Variants in RFTN1 observed in about 807,000 individuals in gnomAD.
RFTN1 encodes raftlin, lipid raft linker 1.
A neutral mutation model predicts 46.5 loss-of-function variants in RFTN1; 26 were observed. That is an observed-to-expected ratio of 0.56 (90% CI 0.41 to 0.78). The LOEUF is 0.78. Among genes scored for constraint, RFTN1 ranks in the 30% least tolerant of loss-of-function variants. RFTN1 has a pLI of 0.00. For synonymous variants in RFTN1, 261 were observed against 284.2 expected, an observed-to-expected ratio of 0.92 and a Z score of 0.82; for missense variants, 693 against 718.7, an observed-to-expected ratio of 0.96 and a Z score of 0.41.
rs1009829579 is a variant in RFTN1, at chr3:16,329,651, GC to G, written c.1147-2776del. ...AGGCTGCTTTATCCTGAGAATCCCT[GC>G]CCCCATCCCCGTATTCCCAGTTTAA... is the stretch of plus-strand genomic sequence containing the variant. On this transcript the variant is annotated intron_variant, in intron 7 of 9. Transcript: ENST00000334133. This position sits in a 1 kb window ranked among gnomAD's most constrained non-coding sequence, Gnocchi z 4.5. Among the ~76,000 whole-genome samples the G allele has an allele frequency of 6.6e-6, 1 of 152,118 alleles. No homozygotes were observed. The highest frequency in any genetic ancestry group is 1.5e-5 in the Non-Finnish European group (1 of 68,010).
chr3:16,408,767 G>A lies in RFTN1; in HGVS notation c.441+608C>T, dbSNP rs1183377088. On this transcript the variant is annotated intron_variant, in intron 4 of 9. Transcript: ENST00000334133. Reference sequence around the variant, plus strand: ...ACCTGTATGGGGTGGGGGAATTGTCGATTACTAGGGAACACTGGGTAAGAG... The same window carrying A: ...ACCTGTATGGGGTGGGGGAATTGTCAATTACTAGGGAACACTGGGTAAGAG... Among the ~76,000 whole-genome samples, 2 of 146,910 alleles carry A rather than the reference G, an allele frequency of 1.4e-5. 1 individual carries two copies. Among genetic ancestry groups the A allele is most frequent in the Non-Finnish European group, 3.0e-5 (2 of 66,236 alleles).
intron 4 of RFTN1, among the ~76,000 whole-genome samples, chr3:16,386,416 T>C (rs1006484713): frequency 3.3e-5 from 5 of 152,190 alleles, no homozygotes; most frequent in African/African-American, 9.7e-5. Context: ...TTATTTTTCA[T>C]CCCTATCTTA....
rs942804858 is a variant in RFTN1 at position 16,484,214 on chromosome 3, C to T, written c.145+9511G>A. On this transcript the variant is annotated intron_variant, in intron 2 of 9. Transcript: ENST00000334133. This position sits in a 1 kb window ranked among gnomAD's most constrained non-coding sequence, Gnocchi z 4.6. ...TTTTTAGATTAGTCTTTTTCCCAGC[C>T]GTGAAGGGAGACTGAAAGGACAACT... 6.6e-6 allele frequency among the ~76,000 whole-genome samples: 1 copy of T among 152,044 alleles called. No individual in the cohort carries two copies. The highest frequency in any genetic ancestry group is 1.5e-5 in the Non-Finnish European group (1 of 68,024).
chr3:16,459,466 T>C lies in RFTN1; in HGVS notation c.146-25429A>G, dbSNP rs1478027575. The stretch of plus-strand genomic sequence containing the variant: ...TAAAAATGAGCCAGGAATAGCAGCG[T>C]GTGCCTTTATCCCAGCTACTTGGAG... On this transcript the variant is annotated intron_variant, in intron 2 of 9. Transcript: ENST00000334133. This position sits in a 1 kb window ranked among gnomAD's most constrained non-coding sequence, Gnocchi z 4.2. Among the ~76,000 whole-genome samples the C allele has an allele frequency of 4.6e-5, 7 of 152,308 alleles. No individual in the cohort carries two copies. Among genetic ancestry groups the C allele is most frequent in the South Asian group, 4.1e-4 (2 of 4,826 alleles).
chr3:16,417,298 C>A (rs1325638456), intron 3 of RFTN1, among the ~76,000 whole-genome samples: 1 of 152,056 alleles, frequency 6.6e-6, no homozygotes, highest in African/African-American at 2.4e-5. Context: ...CCGCACCCGG[C>A]CTCCAGAACT....
rs2074240994 is a variant in RFTN1 at position 16,387,812 on chromosome 3, T to C, written c.442-9710A>G. Among the ~76,000 whole-genome samples the C allele has an allele frequency of 6.6e-6, 1 of 152,046 alleles. No homozygotes were observed. The highest frequency in any genetic ancestry group is 1.5e-5 in the Non-Finnish European group (1 of 68,016). On this transcript the variant is annotated intron_variant, in intron 4 of 9. Transcript: ENST00000334133. This position sits in a 1 kb window ranked among gnomAD's most constrained non-coding sequence, Gnocchi z 5.2. ...CCCCACAGCCCTCCTGTCACCTCCATGACGCCAAATCCCACAGGCTTTTTA... is the reference window on the plus strand; with the variant it reads ...CCCCACAGCCCTCCTGTCACCTCCACGACGCCAAATCCCACAGGCTTTTTA...
In RFTN1 at chr3:16,413,619, A is replaced by G. The variant is rs1353940606; in HGVS notation, c.333-4136T>C. ...TTTTAAACAGTAAGAAAAAGAAAAC[A>G]CAGAATGCATTTCTGGAGACGTACA... On this transcript the variant is annotated intron_variant, in intron 3 of 9. Transcript: ENST00000334133. The surrounding 1 kb of genome is among the most constrained non-coding windows in gnomAD (Gnocchi z 4.7). 7.9e-5 allele frequency among the ~76,000 whole-genome samples: 12 copies of G among 152,206 alleles called. No individual in the cohort carries two copies. The highest frequency in any genetic ancestry group is 4.4e-5 in the Non-Finnish European group (3 of 68,038).
At chr3:16,488,751 C>T (rs886506811) in intron 2 of RFTN1, among the ~76,000 whole-genome samples, 1 of 152,226 alleles carries the variant, frequency 6.6e-6, no homozygotes, top group African/African-American at 2.4e-5. Flanking sequence ...AGCACTGCCT[C>T]TTTGGGCAAG....
chr3:16,462,510 T>G (rs1235747989), intron 2 of RFTN1, among the ~76,000 whole-genome samples: 1 of 152,192 alleles, frequency 6.6e-6, no homozygotes, highest in Non-Finnish European at 1.5e-5. Flanking sequence ...ACAGAGAGTT[T>G]TGAGGCAGAC....
chr3:16,432,386 C>T (rs1174265436), intron 3 of RFTN1, among the ~76,000 whole-genome samples: 2 of 152,222 alleles, frequency 1.3e-5, no homozygotes, highest in East Asian at 1.9e-4. Flanking sequence ...GGCATGGTGG[C>T]GTGCACCTGT....
rs528684609 is a variant in RFTN1 at position 16,452,398 on chromosome 3, A to C, written c.146-18361T>G. Among the ~76,000 whole-genome samples the C allele has an allele frequency of 6.6e-6, 1 of 152,218 alleles. No individual in the cohort carries two copies. The highest frequency in any genetic ancestry group is 2.4e-5 in the African/African-American group (1 of 41,460). On this transcript the variant is annotated intron_variant, in intron 2 of 9. Transcript: ENST00000334133. This position sits in a 1 kb window ranked among gnomAD's most constrained non-coding sequence, Gnocchi z 6.3. ...TTGTAAACATCTAAAGTCTCCCTCC[A>C]TCTTCACAATGTTGATTGAAATGCT... is the stretch of plus-strand genomic sequence containing the variant.
At chr3:16,404,321 A>AAT (rs2074783834) in intron 4 of RFTN1, among the ~76,000 whole-genome samples, 1 of 22,568 alleles carries the variant, frequency 4.4e-5, no homozygotes, top group Non-Finnish European at 7.8e-5. Flanking sequence ...TATTATATAT[A>AAT]ATATATAATA....
chr3:16,446,299 A>G lies in RFTN1; in HGVS notation c.146-12262T>C, dbSNP rs2075728077. Among the ~76,000 whole-genome samples the G allele has an allele frequency of 6.6e-6, 1 of 152,094 alleles. No individual in the cohort carries two copies. Among genetic ancestry groups the G allele is most frequent in the African/African-American group, 2.4e-5 (1 of 41,406 alleles). On this transcript the variant is annotated intron_variant, in intron 2 of 9. Coordinates refer to ENST00000334133, the MANE Select transcript of RFTN1 (RefSeq NM_015150.2). The surrounding 1 kb of genome is among the most constrained non-coding windows in gnomAD (Gnocchi z 4.5). ...AGGAAACCTAGAAACCTTTAAAAAAAAAAAAACTGTGGTAAAATATGCCTA... is the reference window on the plus strand; with the variant it reads ...AGGAAACCTAGAAACCTTTAAAAAAGAAAAAACTGTGGTAAAATATGCCTA...
At chr3:16,461,602 A>G (rs561504283) in intron 2 of RFTN1, among the ~76,000 whole-genome samples, 1 of 152,234 alleles carries the variant, frequency 6.6e-6, no homozygotes, top group Non-Finnish European at 1.5e-5. Context: ...AGCCAATTAT[A>G]CAATTACACG....
rs999215107 is a variant in RFTN1 at position 16,459,215 on chromosome 3, G to A, written c.146-25178C>T. On this transcript the variant is annotated intron_variant, in intron 2 of 9. Transcript: ENST00000334133. The surrounding 1 kb of genome is among the most constrained non-coding windows in gnomAD (Gnocchi z 4.2). ...CAAAGTGCTGGAATTACAGGTATGA[G>A]CCACTGTGCCTGGCCACTACTGTGT... is the stretch of plus-strand genomic sequence containing the variant. 7.2e-5 allele frequency among the ~76,000 whole-genome samples: 11 copies of A among 152,162 alleles called. No homozygotes were observed. Among genetic ancestry groups the A allele is most frequent in the African/African-American group, 2.7e-4 (11 of 41,410 alleles).
At chr3:16,347,214 CCA>C (rs1346540402) in intron 7 of RFTN1, among the ~76,000 whole-genome samples, 1 of 152,208 alleles carries the variant, frequency 6.6e-6, no homozygotes, top group Non-Finnish European at 1.5e-5. Flanking sequence ...ACGGTCTTCC[CCA>C]GACTTTTCAC....
intron 5 of RFTN1, among the ~76,000 whole-genome samples, chr3:16,377,212 C>T (rs999167554): frequency 7.9e-5 from 12 of 152,066 alleles, no homozygotes; most frequent in African/African-American, 2.4e-4. Context: ...AGCAGAGAGG[C>T]GTGAAGGGAT....
Position 16,434,026 on chromosome 3 carries a change from C to T in RFTN1, c.157G>A (p.Gly53Arg). The change falls in exon 3 of 10, where the codon GGG (glycine) becomes AGG (arginine). Residue 53 changes from glycine (G) to arginine (R), a missense_variant. Coordinates refer to ENST00000334133, the MANE Select transcript of RFTN1 (RefSeq NM_015150.2). ...GAGGCCAGCCTCACTGCTGAGGACCCAGGGAGCTCCGCTGGAGTGGAGAGA... is the reference window on the plus strand; with the variant it reads ...GAGGCCAGCCTCACTGCTGAGGACCTAGGGAGCTCCGCTGGAGTGGAGAGA... ...FTTLSAAELP[G>R]SSAVRLASLR... 1 of 1,599,206 alleles carries T rather than the reference C, an allele frequency of 6.3e-7. No individual in the cohort carries two copies. Among genetic ancestry groups the T allele is most frequent in the Middle Eastern group, 1.9e-4 (1 of 5,160 alleles).
chr3:16,445,524 T>C (rs2075714172), intron 2 of RFTN1, among the ~76,000 whole-genome samples: 1 of 77,988 alleles, frequency 1.3e-5, no homozygotes, highest in Admixed American at 1.3e-4. Context: ...CACACACAGC[T>C]CTCTACCAGC....
Sources: gnomAD v4.1 joint callset for allele counts (sites outside exome capture counted in the v4.1 genomes callset) on GRCh38, gnomAD v4.1.1 for gene constraint, Gnocchi (gnomAD v3.1) non-coding constraint, MANE v1.5 for transcripts, NCBI Gene and HGNC (gene_info 2026-07-23, HGNC 2026-07-21) for gene names.